The following GIMAP8 variants were observed in gnomAD, a reference collection of about 807,000 sequenced individuals.
GIMAP8 encodes GTPase IMAP family member 8.
Under a neutral mutation model 35.6 loss-of-function variants are expected in GIMAP8, and 29 were observed. The observed-to-expected ratio is 0.81, with a 90% CI of 0.61 to 1.11. The LOEUF (loss-of-function observed/expected upper bound fraction) is 1.11. GIMAP8 is among the 50% of genes most tolerant of loss of function. The pLI, the probability that GIMAP8 is intolerant of heterozygous loss-of-function variation, is 0.00. For synonymous variants in GIMAP8, 335 were observed against 308.7 expected (o/e 1.09, Z -0.89); for missense variants, 811 against 805.0 (o/e 1.01, Z -0.09).
At position 150,474,638 on chromosome 7, in the gene GIMAP8, G is replaced by A. The variant is rs751039944; in HGVS notation, c.1309G>A (p.Glu437Lys). ...CAAGCATTGTGTTTTCAGAGAAAAA[G>A]GTAAAACTGTGAATAGGATATATAT... ...GNKHCVFREK[E>K]TLNIVLVGRS... Residue 437 changes from glutamate to lysine, a missense_variant and splice_region_variant, in exon 4 of 5, where the codon GAA (glutamate) becomes AAA (lysine). By Grantham distance (56) the Glu-to-Lys change is moderately conservative. Transcript: ENST00000307271. 1.3e-6 allele frequency: 2 copies of A among 1,570,804 alleles called. No homozygotes were observed. Among genetic ancestry groups the A allele is most frequent in the Non-Finnish European group, 1.7e-6 (2 of 1,161,544 alleles).
At chr7:150,470,983 T>C (rs1802079004) in intron 3 of GIMAP8, 109 bp downstream of exon 3, 2 of 829,628 alleles carry the variant, frequency 2.4e-6, no homozygotes, top group African/African-American at 1.7e-5. Flanking sequence ...AAATTCACCC[T>C]GGGGACCTAG....
intron 1 of GIMAP8, among the ~76,000 whole-genome samples, chr7:150,461,587 C>G (rs573072340): frequency 6.6e-6 from 1 of 152,262 alleles, no homozygotes; most frequent in South Asian, 2.1e-4. Context: ...AATCCCTTCA[C>G]TCTCATTCTA....
At chr7:150,468,535 C>A (rs931644578) in intron 2 of GIMAP8, among the ~76,000 whole-genome samples, 3 of 152,180 alleles carry the variant, frequency 2.0e-5, no homozygotes, top group East Asian at 3.9e-4. Flanking sequence ...GGAATAAATT[C>A]TATCTACTTA....
At chr7:150,476,655 G>A (rs1395992449) in intron 4 of GIMAP8, among the ~76,000 whole-genome samples, 1 of 152,218 alleles carries the variant, frequency 6.6e-6, no homozygotes, top group Non-Finnish European at 1.5e-5. Context: ...GCTATAGTTA[G>A]CAGTAGTTGG....
Position 150,472,927 on chromosome 7 carries a change from C to T in GIMAP8, c.683-1085C>T, listed in dbSNP as rs1227189191. Among the ~76,000 whole-genome samples the T allele has an allele frequency of 6.6e-6, 1 of 152,214 alleles. No homozygotes were observed. Among genetic ancestry groups the T allele is most frequent in the Admixed American group, 6.5e-5 (1 of 15,290 alleles). On this transcript the variant is annotated intron_variant, in intron 3 of 4. Coordinates refer to ENST00000307271, the MANE Select transcript of GIMAP8 (RefSeq NM_175571.4). The surrounding 1 kb of genome is among the most constrained non-coding windows in gnomAD (Gnocchi z 4.1). The stretch of plus-strand genomic sequence containing the variant: ...ACTGTGAAGCCTTCCATGCACACTT[C>T]CGTGCTAGTCAGGTCCTAAGGGCTT...
chr7:150,471,010 C>A, intron 3 of GIMAP8, 136 bp downstream of exon 3: 1 of 685,050 alleles, frequency 1.5e-6, no homozygotes, highest in South Asian at 1.6e-5. Context: ...TTGGTTCCCA[C>A]AAGCTATCCC....
chr7:150,457,365 T>C (rs924206984), intron 1 of GIMAP8, among the ~76,000 whole-genome samples: 7 of 152,188 alleles, frequency 4.6e-5, no homozygotes, highest in Non-Finnish European at 8.8e-5. Context: ...CATGTCACAG[T>C]GCTGCAGAGA....
In GIMAP8 at chr7:150,478,855, A is replaced by G. The variant is rs1457933887; in HGVS notation, c.*1075A>G. The G allele has an allele frequency of 6.6e-6, 1 of 152,252 alleles. No individual in the cohort carries two copies. The highest frequency in any genetic ancestry group is 1.5e-5 in the Non-Finnish European group (1 of 68,064). The allele number at this position is 152,252 out of a possible 1,614,324, so 9.4% of individuals were successfully genotyped here. On this transcript the variant is annotated 3_prime_UTR_variant, in exon 5 of 5. Coordinates refer to ENST00000307271, the MANE Select transcript of GIMAP8 (RefSeq NM_175571.4). ...AGTGGTGTTCTTTCCATAGCTGAGCAGATTATTTTGAGAGGTGGGTGATAT... is the reference window on the plus strand; with the variant it reads ...AGTGGTGTTCTTTCCATAGCTGAGCGGATTATTTTGAGAGGTGGGTGATAT...
chr7:150,452,430 G>A (rs73726131), intron 1 of GIMAP8, among the ~76,000 whole-genome samples: 6,048 of 151,642 alleles, frequency 0.04, 412 homozygotes, highest in African/African-American at 0.14. Context: ...AGGCTGTGTC[G>A]CTTAATTGGG....
chr7:150,454,965 C>T (rs1013006513), intron 1 of GIMAP8, among the ~76,000 whole-genome samples: 28 of 151,860 alleles, frequency 1.8e-4, no homozygotes, highest in African/African-American at 5.8e-4. Flanking sequence ...ATGGAGAAAC[C>T]CCATCTCCAT....
Position 150,451,006 on chromosome 7 carries a change from G to A in GIMAP8, c.-198G>A, listed in dbSNP as rs920304782. 2.0e-5 allele frequency: 3 copies of A among 152,278 alleles called. No individual in the cohort carries two copies. The highest frequency in any genetic ancestry group is 2.0e-4 in the Admixed American group (3 of 15,284). The allele number at this position is 152,278 out of a possible 1,614,324, so 9.4% of individuals were successfully genotyped here. On this transcript the variant is annotated 5_prime_UTR_variant, in exon 1 of 5. It introduces an in-frame stop codon into an upstream open reading frame of the 5' UTR. Coordinates refer to ENST00000307271, the MANE Select transcript of GIMAP8 (RefSeq NM_175571.4). The surrounding 1 kb of genome is among the most constrained non-coding windows in gnomAD (Gnocchi z 4.1). The stretch of plus-strand genomic sequence containing the variant: ...TCTCCGACTGCATTTATGCCTCTGT[G>A]GATGTGAAGGCTATTTCTAGAAATC...
At chr7:150,453,225 G>A (rs1250300549) in intron 1 of GIMAP8, among the ~76,000 whole-genome samples, 1 of 152,194 alleles carries the variant, frequency 6.6e-6, no homozygotes, top group East Asian at 1.9e-4. Flanking sequence ...TCTCCATAGG[G>A]TGTATCTGGG....
At chr7:150,459,037 G>A (rs1207253912) in intron 1 of GIMAP8, among the ~76,000 whole-genome samples, 1 of 152,136 alleles carries the variant, frequency 6.6e-6, no homozygotes, top group Non-Finnish European at 1.5e-5. Context: ...TCAGCTGGTT[G>A]TGGTTCTTTA....
At chr7:150,474,881 C>T (rs190469485) in intron 4 of GIMAP8, among the ~76,000 whole-genome samples, 4 of 151,938 alleles carry the variant, frequency 2.6e-5, no homozygotes, top group Non-Finnish European at 5.9e-5. Context: ...CCACTCCCCC[C>T]ACCCCACAAC....
In GIMAP8 at chr7:150,466,781, A is replaced by G. The variant is rs757525666; in HGVS notation, c.83A>G (p.Asn28Ser). Residue 28 changes from asparagine to serine, a missense_variant, in exon 2 of 5, where the codon AAT becomes AGT. Coordinates refer to ENST00000307271, the MANE Select transcript of GIMAP8 (RefSeq NM_175571.4). ...CGCTCGGGAAAAAGTGCCACAGGAA[A>G]TGCCATTCTGGGCAAACATGTGTTC... ...KCRSGKSATG[N>S]AILGKHVFKS... is the part of the protein sequence containing the mutation. 6.2e-7 allele frequency: 1 copy of G among 1,614,260 alleles called. No individual in the cohort carries two copies. The highest frequency in any genetic ancestry group is 1.1e-5 in the South Asian group (1 of 91,082).
At chr7:150,457,607 C>A (rs1801757304) in intron 1 of GIMAP8, among the ~76,000 whole-genome samples, 1 of 152,158 alleles carries the variant, frequency 6.6e-6, no homozygotes, top group Non-Finnish European at 1.5e-5. Context: ...ACATATACAT[C>A]ATTTCTACAA....
chr7:150,476,985 G>C, intron 4 of GIMAP8, 107 bp from the exon 5 acceptor site: 2 of 844,390 alleles, frequency 2.4e-6, no homozygotes, highest in Non-Finnish European at 1.9e-6. Flanking sequence ...GATGCTGTTT[G>C]AACATGCTGT....
In GIMAP8 at chr7:150,467,043, G is replaced by A. The variant is rs770684528; in HGVS notation, c.345G>A (p.Lys115=). The A allele has an allele frequency of 1.2e-6, 2 of 1,614,212 alleles. No homozygotes were observed. The highest frequency in any genetic ancestry group is 3.3e-5 in the Admixed American group (2 of 60,030). ...CAAGGGAGGATGAGGAAACAGCCAA[G>A]GGCATCCAACAAGTGTTTGGAGCTG... ...HFTREDEETA[K]GIQQVFGAEA... is the part of the protein sequence containing the mutation. The change falls in exon 2 of 5, where the codon AAG becomes AAA. Residue 115 remains lysine (K), a synonymous_variant. Coordinates refer to ENST00000307271, the MANE Select transcript of GIMAP8 (RefSeq NM_175571.4).
chr7:150,466,252 T>A (rs757451591), intron 1 of GIMAP8, among the ~76,000 whole-genome samples: 5 of 152,226 alleles, frequency 3.3e-5, no homozygotes, highest in African/African-American at 4.8e-5. Context: ...TGACATTTGA[T>A]GAATACAGAT....
Sources: gnomAD v4.1 joint callset for allele counts (sites outside exome capture counted in the v4.1 genomes callset) on GRCh38, gnomAD v4.1.1 for gene constraint, Gnocchi (gnomAD v3.1) non-coding constraint, MANE v1.5 for transcripts, NCBI Gene and HGNC (gene_info 2026-07-23, HGNC 2026-07-21) for gene names.